Variants in RTEL1 observed in about 807,000 individuals in gnomAD.
The protein encoded by RTEL1 is regulator of telomere length.
RTEL1 carries 86 observed loss-of-function variants against 162.2 expected under a neutral mutation model. The observed-to-expected ratio is 0.53, with a 90% CI of 0.45 to 0.63. The LOEUF (loss-of-function observed/expected upper bound fraction) is 0.63, where lower values mean the gene tolerates loss of function less well. Among genes scored for constraint, RTEL1 ranks in the 30% least tolerant of loss-of-function variants. The probability of loss-of-function intolerance (pLI) is 0.00; values close to 1 mark genes in which losing one functional copy is unlikely to be tolerated. For missense variants in RTEL1, 1,941 were observed against 1,750.2 expected (o/e 1.11, Z -1.95); for synonymous variants, 958 against 717.9 (o/e 1.33, Z -5.35).
chr20:63,689,060 C>T lies in RTEL1; in HGVS notation c.1806C>T (p.Ile602=), dbSNP rs202119059. The T allele has an allele frequency of 2.1e-5, 34 of 1,610,950 alleles. No homozygotes were observed. In the African/African-American group the frequency reaches 2.7e-4, roughly 13 times the overall value. Residue 602 remains isoleucine, a synonymous_variant, in exon 22 of 35, where the codon ATC becomes ATT. Transcript: ENST00000360203. Reference sequence around the variant, plus strand: ...CTCACCAACTTTCCTTCCAGACCATCAGTGCTTACTATGCAAGGGTTGCCG... The same window carrying T: ...CTCACCAACTTTCCTTCCAGACCATTAGTGCTTACTATGCAAGGGTTGCCG... ...PRSKGSFSET[I]SAYYARVAAP...
rs778636986 is a variant in RTEL1 at position 63,693,316 on chromosome 20, C to G, written c.2992+33C>G. 3 of 1,609,534 alleles carry G rather than the reference C, an allele frequency of 1.9e-6. No homozygotes were observed. The Admixed American group carries it at 5.0e-5, about 27-fold the overall frequency. ...GGGCCCCAGGTGGGACCCTCAGACT[C>G]CTGCGTGGAAGGCAGTGTGGGCCAG... On this transcript the variant is annotated intron_variant, in intron 30 of 34. Coordinates refer to ENST00000360203, the MANE Select transcript of RTEL1 (RefSeq NM_001283009.2).
At chr20:63,693,498 TCCACCACCACC>T (rs2090848554) in intron 30 of RTEL1, among the ~76,000 whole-genome samples, 1 of 4,404 alleles carries the variant, frequency 2.3e-4, no homozygotes, top group African/African-American at 1.5e-3. Context: ...CACCTCCACC[TCCACCACCACC>T]TCCTCCACCA....
chr20:63,693,585 ACCACCTCCACCTCCACCACCACCACCT>A (rs2090865189), intron 30 of RTEL1, among the ~76,000 whole-genome samples: 1 of 20,212 alleles, frequency 4.9e-5, no homozygotes, highest in East Asian at 5.8e-4. Flanking sequence ...CTCCACCACC[ACCACCTCCACCTCCACCACCACCACCT>A]CCACCTCCAC....
chr20:63,676,703 A>G (rs1451038617), intron 10 of RTEL1, among the ~76,000 whole-genome samples: 1 of 152,206 alleles, frequency 6.6e-6, no homozygotes, highest in Non-Finnish European at 1.5e-5. Flanking sequence ...TGGGAGGCCC[A>G]GGCAGGCGGA....
chr20:63,664,184 C>G (rs1380819232), intron 6 of RTEL1, among the ~76,000 whole-genome samples: 2 of 152,196 alleles, frequency 1.3e-5, no homozygotes, highest in African/African-American at 4.8e-5. Flanking sequence ...CCGGTGATGC[C>G]TGCAGGACGT....
chr20:63,693,705 TCCACCA>T (rs1568721555), intron 30 of RTEL1, among the ~76,000 whole-genome samples: 2 of 4,146 alleles, frequency 4.8e-4, no homozygotes, highest in African/African-American at 1.2e-3. Context: ...CACCACCACC[TCCACCA>T]CCACCACCTG....
At chr20:63,667,083 CCCACCT>C (rs1243750409) in intron 7 of RTEL1, among the ~76,000 whole-genome samples, 1 of 152,066 alleles carries the variant, frequency 6.6e-6, no homozygotes, top group Non-Finnish European at 1.5e-5. Context: ...TTGTGATCCG[CCCACCT>C]CGGCCTCCCA....
chr20:63,681,204 C>T (rs1028304240), intron 14 of RTEL1: 31 of 985,312 alleles, frequency 3.1e-5, no homozygotes, highest in Admixed American at 6.1e-5. Flanking sequence ...TCATTGGCCC[C>T]GTCCTGTCCT....
At chr20:63,680,756 T>C (rs756741458) in intron 14 of RTEL1, 37 bp downstream of exon 14, 3 of 1,612,230 alleles carry the variant, frequency 1.9e-6, no homozygotes, top group East Asian at 4.5e-5. Context: ...CCTTCCCTGA[T>C]GGAAGCCGGG....
intron 8 of RTEL1, 102 bp downstream of exon 8, chr20:63,667,655 G>T: frequency 2.1e-6 from 2 of 955,978 alleles, no homozygotes. Flanking sequence ...CCTTAGATCA[G>T]CAGGCCTGGG....
intron 2 of RTEL1, 84 bp downstream of exon 2, chr20:63,659,588 C>A: frequency 9.7e-7 from 1 of 1,029,104 alleles, no homozygotes; most frequent in Non-Finnish European, 1.5e-6. Context: ...CCGGCCCATT[C>A]CAGCCAGGCC....
At position 63,695,070 on chromosome 20, in the gene RTEL1, C is replaced by T. The variant is rs116037096; in HGVS notation, c.3348C>T (p.Phe1116=). The part of the protein sequence containing the change: ...KPEDFPLLHR[F]SMFVRPHHKQ... ...TCTGATTGAAGCTCCCCGCAGGGTT[C>T]AGCATGTTTGTGCGTCCACACCACA... The change falls in exon 33 of 35, where the codon TTC becomes TTT. Residue 1116 remains phenylalanine, a synonymous_variant. Coordinates refer to ENST00000360203, the MANE Select transcript of RTEL1 (RefSeq NM_001283009.2). 9.9e-6 allele frequency: 16 copies of T among 1,612,112 alleles called. No individual in the cohort carries two copies. The highest frequency in any genetic ancestry group is 2.2e-5 in the East Asian group (1 of 44,882).
chr20:63,681,328 G>A, intron 14 of RTEL1: 1 of 985,382 alleles, frequency 1.0e-6, no homozygotes, highest in African/African-American at 1.7e-5. Flanking sequence ...CATTTTGGGT[G>A]CTCTGGGCAC....
At chr20:63,689,438 T>A in intron 22 of RTEL1, 64 bp from the exon 23 acceptor site, 1 of 1,458,352 alleles carries the variant, frequency 6.9e-7, no homozygotes, top group South Asian at 1.4e-5. Flanking sequence ...GTGGCTGGGC[T>A]GGGTGTGGGC....
rs930755286 is a variant in RTEL1, at chr20:63,692,406, A to G, written c.2653-399A>G. 1.0e-5 allele frequency: 3 copies of G among 292,470 alleles called. No individual in the cohort carries two copies. In the East Asian group the frequency reaches 2.5e-4, roughly 25 times the overall value. The allele number at this position is 292,470 out of a possible 1,614,324, so 18.1% of individuals were successfully genotyped here. A position where few individuals can be genotyped will look rare whatever the true frequency, so the allele number is the denominator to read the frequency against. On this transcript the variant is annotated intron_variant, in intron 28 of 34. Coordinates refer to ENST00000360203, the MANE Select transcript of RTEL1 (RefSeq NM_001283009.2). The stretch of plus-strand genomic sequence containing the variant: ...GTTTCCGTGTTGGTCTGGGGTGTGT[A>G]GAGAGATGGGCACTGCTCATCCGGA...
chr20:63,681,486 G>C (rs1377970441), intron 14 of RTEL1: 1 of 985,156 alleles, frequency 1.0e-6, no homozygotes, highest in African/African-American at 1.7e-5. Context: ...CGAGATCATG[G>C]CAGGGTTAGG....
chr20:63,693,955 C>T (rs527590362), intron 30 of RTEL1, among the ~76,000 whole-genome samples: 1 of 151,658 alleles, frequency 6.6e-6, no homozygotes, highest in East Asian at 2.0e-4. Flanking sequence ...CTCCCTGTTT[C>T]TGCCTCTGTT....
At chr20:63,686,598 C>G (rs897121344) in intron 16 of RTEL1, 1 of 152,458 alleles carries the variant, frequency 6.6e-6, no homozygotes, top group Admixed American at 6.5e-5. Context: ...GCTGTCCGAC[C>G]CATGGTGGCA....
intron 8 of RTEL1, 39 bp from the exon 9 acceptor site, chr20:63,672,517 G>C (rs1028935003): frequency 2.4e-5 from 37 of 1,516,962 alleles, no homozygotes; most frequent in Non-Finnish European, 3.1e-5. Flanking sequence ...CCCGGCCTCT[G>C]TGAGCTCCAG....
Sources: allele counts gnomAD v4.1 joint callset (sites outside exome capture counted in the v4.1 genomes callset), GRCh38; gene constraint gnomAD v4.1.1; transcripts MANE v1.5; gene names NCBI Gene and HGNC (gene_info 2026-07-23, HGNC 2026-07-21).